The following NKAIN2 variants were observed in gnomAD, a reference collection of about 807,000 sequenced individuals.
The protein encoded by NKAIN2 is sodium/potassium transporting ATPase interacting 2.
NKAIN2 carries 14 observed loss-of-function variants against 32.6 expected under a neutral mutation model. That is an observed-to-expected ratio of 0.43 (90% CI 0.28 to 0.67). The LOEUF is 0.67. NKAIN2 is among the 30% of genes least tolerant of loss of function. The pLI is 0.17. For synonymous variants in NKAIN2, 80 were observed against 87.2 expected (o/e 0.92, Z 0.46); for missense variants, 198 against 258.3 (o/e 0.77, Z 1.60).
At chr6:124,670,643 T>TTGTGTGTGTG (rs756145455) in intron 4 of NKAIN2, among the ~76,000 whole-genome samples, 3 of 102,204 alleles carry the variant, frequency 2.9e-5, no homozygotes, top group African/African-American at 4.3e-5. Flanking sequence ...AATCTTTGCT[T>TTGTGTGTGTG]TCTGTGTGTG....
At chr6:124,100,337 A>T (rs1041895875) in intron 1 of NKAIN2, among the ~76,000 whole-genome samples, 3 of 152,312 alleles carry the variant, frequency 2.0e-5, no homozygotes, top group East Asian at 1.9e-4. Flanking sequence ...CTATTCTTTT[A>T]AAAAAATTGG....
intron 4 of NKAIN2, among the ~76,000 whole-genome samples, chr6:124,670,483 T>C (rs1773043760): frequency 6.6e-6 from 1 of 152,100 alleles, no homozygotes; most frequent in South Asian, 2.1e-4. Context: ...ACATACAAAT[T>C]ATTGTGATGT....
chr6:124,293,215 T>G (rs1336072468), intron 2 of NKAIN2, among the ~76,000 whole-genome samples: 1 of 152,088 alleles, frequency 6.6e-6, no homozygotes, highest in African/African-American at 2.4e-5. Flanking sequence ...TGCTAATATC[T>G]CTTTAAAATT....
intron 2 of NKAIN2, among the ~76,000 whole-genome samples, chr6:124,354,884 A>C (rs1353561403): frequency 6.6e-6 from 1 of 150,756 alleles, no homozygotes; most frequent in Non-Finnish European, 1.5e-5. Context: ...AGTCTGGCCA[A>C]CATGACAAAA....
At chr6:124,666,597 G>C (rs1164797428) in intron 4 of NKAIN2, among the ~76,000 whole-genome samples, 1 of 152,126 alleles carries the variant, frequency 6.6e-6, no homozygotes, top group African/African-American at 2.4e-5. Flanking sequence ...TGTCAATCAA[G>C]TTTTGGTTAA....
At chr6:124,117,759 T>G (rs768913794) in intron 1 of NKAIN2, among the ~76,000 whole-genome samples, 16 of 151,892 alleles carry the variant, frequency 1.1e-4, no homozygotes, top group Non-Finnish European at 2.1e-4. Flanking sequence ...TATGCAGTGA[T>G]TCAATAGCTT....
At chr6:124,430,528 C>A (rs911152949) in intron 3 of NKAIN2, among the ~76,000 whole-genome samples, 4 of 152,134 alleles carry the variant, frequency 2.6e-5, no homozygotes, top group African/African-American at 9.7e-5. Flanking sequence ...TAACTGGGCT[C>A]ATAAGATGCA....
intron 3 of NKAIN2, among the ~76,000 whole-genome samples, chr6:124,524,036 A>G (rs530617023): frequency 3.5e-4 from 54 of 152,286 alleles, no homozygotes; most frequent in African/African-American, 1.3e-3. Context: ...ATGACTACCA[A>G]TTTAAAAGAG....
intron 3 of NKAIN2, among the ~76,000 whole-genome samples, chr6:124,567,565 C>T (rs1228853032): frequency 1.3e-5 from 2 of 152,142 alleles, no homozygotes; most frequent in Admixed American, 1.3e-4. Flanking sequence ...CACAATAATG[C>T]TGCAAAAACA....
At chr6:124,484,877 T>C (rs895899607) in intron 3 of NKAIN2, among the ~76,000 whole-genome samples, 8 of 149,524 alleles carry the variant, frequency 5.4e-5, no homozygotes, top group African/African-American at 2.1e-4. Context: ...ATGCCTGCTA[T>C]TGAAGTTCCC....
intron 4 of NKAIN2, among the ~76,000 whole-genome samples, chr6:124,682,481 G>A (rs535690330): frequency 3.4e-4 from 51 of 152,214 alleles, no homozygotes; most frequent in Admixed American, 9.8e-4. Flanking sequence ...ATTTTGTGAC[G>A]TGAAGTACTG....
At chr6:124,501,766 T>G (rs1778301022) in intron 3 of NKAIN2, among the ~76,000 whole-genome samples, 1 of 152,084 alleles carries the variant, frequency 6.6e-6, no homozygotes. Flanking sequence ...TTTCCCACAG[T>G]CTGAACTCCT....
chr6:124,074,441 A>G (rs1238048705), intron 1 of NKAIN2, among the ~76,000 whole-genome samples: 1 of 152,204 alleles, frequency 6.6e-6, no homozygotes, highest in Non-Finnish European at 1.5e-5. Context: ...CAACCTTGCA[A>G]TCAGGCTTTT....
chr6:124,569,159 A>G (rs6905287), intron 3 of NKAIN2, among the ~76,000 whole-genome samples: 17,336 of 152,208 alleles, frequency 0.11, 1,051 homozygotes, highest in South Asian at 0.2. Context: ...AACACAAGTA[A>G]TTCACACTAA....
chr6:123,957,219 C>A (rs1416811364), intron 1 of NKAIN2, among the ~76,000 whole-genome samples: 2 of 152,090 alleles, frequency 1.3e-5, no homozygotes, highest in Non-Finnish European at 2.9e-5. Context: ...AAAATATTTT[C>A]AGCCTATAGA....
chr6:123,887,734 A>C (rs1051993069), intron 1 of NKAIN2, among the ~76,000 whole-genome samples: 4 of 152,116 alleles, frequency 2.6e-5, no homozygotes, highest in Non-Finnish European at 2.9e-5. Flanking sequence ...GAAATTGCCT[A>C]AGGTCAGATG....
intron 3 of NKAIN2, among the ~76,000 whole-genome samples, chr6:124,484,056 C>T (rs1777558892): frequency 6.6e-6 from 1 of 152,220 alleles, no homozygotes; most frequent in Admixed American, 6.5e-5. Context: ...CATAAGTGTA[C>T]TTGCTACATG....
chr6:124,169,680 G>A (rs1388824083), intron 1 of NKAIN2, among the ~76,000 whole-genome samples: 1 of 152,080 alleles, frequency 6.6e-6, no homozygotes, highest in African/African-American at 2.4e-5. Context: ...CTGATTCTTA[G>A]TGCGTATGTT....
At chr6:124,665,162 A>G (rs1318195960) in intron 4 of NKAIN2, among the ~76,000 whole-genome samples, 1 of 152,206 alleles carries the variant, frequency 6.6e-6, no homozygotes, top group Non-Finnish European at 1.5e-5. Flanking sequence ...AGAAAAAAAA[A>G]TCCTACAATT....
Sources: allele counts gnomAD v4.1 joint callset (sites outside exome capture counted in the v4.1 genomes callset), GRCh38; gene constraint gnomAD v4.1.1; transcripts MANE v1.5; gene names NCBI Gene and HGNC (gene_info 2026-07-23, HGNC 2026-07-21).